MCF2L: variants seen among roughly 807,000 people sequenced by gnomAD.
MCF2L encodes guanine nucleotide exchange factor DBS.
Under a neutral mutation model 153.4 loss-of-function variants are expected in MCF2L, and 97 were observed. That is an observed-to-expected ratio of 0.63 (90% CI 0.54 to 0.75). MCF2L has a LOEUF of 0.75. MCF2L is among the 30% of genes least tolerant of loss of function. The probability of loss-of-function intolerance (pLI) is 0.00; values close to 1 mark genes in which losing one functional copy is unlikely to be tolerated. For synonymous variants in MCF2L, 659 were observed against 632.2 expected (o/e 1.04, Z -0.64); for missense variants, 1,347 against 1,495.2 (o/e 0.90, Z 1.64).
chr13:113,082,604 T>C (rs1393230154), intron 17 of MCF2L, 62 bp downstream of exon 17: 14 of 1,259,134 alleles, frequency 1.1e-5, no homozygotes, highest in East Asian at 9.9e-5. Context: ...TGGTGCTGGC[T>C]TCAGGGGGCT....
rs372475535 is a variant in MCF2L, at chr13:113,085,033, C to T, written c.2154+49C>T. The T allele has an allele frequency of 5.3e-5, 85 of 1,611,546 alleles. 1 individual carries two copies. Among genetic ancestry groups the T allele is most frequent in the South Asian group, 8.8e-5 (8 of 91,036 alleles). The stretch of plus-strand genomic sequence containing the variant: ...GAACGTTACTCCCTTTCCTAGCCGA[C>T]TCCTGAGGAATAATGAAAATTGTGC... On this transcript the variant is annotated intron_variant, in intron 19 of 29. Transcript: ENST00000535094.
At chr13:112,945,288 C>G (rs148611561) in intron 2 of MCF2L, among the ~76,000 whole-genome samples, 1 of 152,096 alleles carries the variant, frequency 6.6e-6, no homozygotes, top group African/African-American at 2.4e-5. Flanking sequence ...CTCAAGTAAA[C>G]GATATGCTTT....
rs2032325102 is a variant in MCF2L at position 113,066,139 on chromosome 13, G to A, written c.850G>A (p.Asp284Asn). ...GGGCTCAGAGCCCAGTGTGAACCAG[G>A]ACCAGCTTGACAACCAGGCCACCGT... ...AEGSEPSVNQ[D>N]QLDNQATVQR... The change falls in exon 8 of 30, where the codon GAC becomes AAC. Residue 284 changes from aspartate to asparagine, a missense_variant. By Grantham distance (23) the Asp-to-Asn change is conservative (BLOSUM62 1). Coordinates refer to ENST00000535094, the MANE Select transcript of MCF2L (RefSeq NM_001112732.3). 6.2e-7 allele frequency: 1 copy of A among 1,612,668 alleles called. No individual in the cohort carries two copies. The highest frequency in any genetic ancestry group is 8.5e-7 in the Non-Finnish European group (1 of 1,179,818).
rs536200030 is a variant in MCF2L, at chr13:112,970,388, C to T, written c.79+930C>T. Among the ~76,000 whole-genome samples, 24 of 152,254 alleles carry T rather than the reference C, an allele frequency of 1.6e-4. No individual in the cohort carries two copies. In the East Asian group the frequency reaches 1.7e-3, roughly 11 times the overall value. On this transcript the variant is annotated intron_variant, in intron 1 of 29. Transcript: ENST00000535094. ...GTGATTAAATCAGCATAAGCACCAT[C>T]GTATGGGATGGTCTAATCAAGATGT...
In MCF2L at chr13:113,064,715, G is replaced by T; in HGVS notation, c.607-221G>T. The T allele has an allele frequency of 1.7e-6, 1 of 601,884 alleles. No homozygotes were observed. The highest frequency in any genetic ancestry group is 2.1e-5 in the South Asian group (1 of 48,108). The allele number at this position is 601,884 out of a possible 1,614,324, so 37.3% of individuals were successfully genotyped here. On this transcript the variant is annotated intron_variant, in intron 6 of 29. Coordinates refer to ENST00000535094, the MANE Select transcript of MCF2L (RefSeq NM_001112732.3). This position sits in a 1 kb window ranked among gnomAD's most constrained non-coding sequence, Gnocchi z 6.0. Reference sequence around the variant, plus strand: ...AACGGGGAGAGGCAGCGCAGGCACAGGCGACTCTAGGTGACGGGCACACGT... The same window carrying T: ...AACGGGGAGAGGCAGCGCAGGCACATGCGACTCTAGGTGACGGGCACACGT...
At chr13:113,065,938 C>T (rs1330302846) in intron 7 of MCF2L, 108 bp from the exon 8 acceptor site, 1 of 1,222,480 alleles carries the variant, frequency 8.2e-7, no homozygotes, top group Non-Finnish European at 1.1e-6. Flanking sequence ...GGATTGACCC[C>T]TTCCTCAGTC....
chr13:113,094,186 G>A (rs911115900), intron 26 of MCF2L: 4 of 188,906 alleles, frequency 2.1e-5, no homozygotes, highest in Admixed American at 1.2e-4. Flanking sequence ...GGGCATCTGC[G>A]GCAGGAAGGC....
At chr13:113,083,809 G>C (rs1421150119) in intron 17 of MCF2L, among the ~76,000 whole-genome samples, 189 bp from the exon 18 acceptor site, 1 of 152,234 alleles carries the variant, frequency 6.6e-6, no homozygotes. Context: ...CTCAGCCTGG[G>C]GCTGCACCTG....
Position 113,096,978 on chromosome 13 carries a change from C to A in MCF2L, c.*119C>A, listed in dbSNP as rs2035724800. The A allele has an allele frequency of 7.7e-6, 5 of 650,564 alleles. No individual in the cohort carries two copies. The highest frequency in any genetic ancestry group is 1.1e-5 in the Non-Finnish European group (5 of 447,998). The allele number at this position is 650,564 out of a possible 1,614,324, so 40.3% of individuals were successfully genotyped here. A position where few individuals can be genotyped will look rare whatever the true frequency, so the allele number is the denominator to read the frequency against. On this transcript the variant is annotated 3_prime_UTR_variant, in exon 30 of 30. Coordinates refer to ENST00000535094, the MANE Select transcript of MCF2L (RefSeq NM_001112732.3). The stretch of plus-strand genomic sequence containing the variant: ...ACCGCCCCCACCCAGAGCGCCTGGC[C>A]GTGCGGGCTGCAGAGGACCCCTCCG...
At chr13:112,906,969 C>G (rs1456056378) in intron 2 of MCF2L, among the ~76,000 whole-genome samples, 1 of 152,138 alleles carries the variant, frequency 6.6e-6, no homozygotes, top group Non-Finnish European at 1.5e-5. Flanking sequence ...GAAGACAATC[C>G]CTGACTTGGG....
chr13:113,002,409 G>A (rs1046036993), intron 1 of MCF2L, among the ~76,000 whole-genome samples: 2 of 152,236 alleles, frequency 1.3e-5, no homozygotes, highest in East Asian at 1.9e-4. Flanking sequence ...GAGGGGCTGC[G>A]GCTCCTCCTT....
intron 27 of MCF2L, chr13:113,095,584 C>T (rs959998414): frequency 1.0e-6 from 1 of 996,754 alleles, no homozygotes; most frequent in Non-Finnish European, 1.2e-6. Context: ...GGGCAGGCAG[C>T]CCAGTCACCG....
chr13:112,920,216 G>C (rs2081338470), intron 2 of MCF2L, among the ~76,000 whole-genome samples: 1 of 152,228 alleles, frequency 6.6e-6, no homozygotes, highest in African/African-American at 2.4e-5. Context: ...GTACATGGCG[G>C]AGAGGTGGGA....
At chr13:113,042,862 T>A (rs1200080243) in intron 3 of MCF2L, 1 of 152,296 alleles carries the variant, frequency 6.6e-6, no homozygotes, top group Non-Finnish European at 1.5e-5. Flanking sequence ...GTTGCTGGTC[T>A]GGGCTGTTGT....
upstream of MCF2L, among the ~76,000 whole-genome samples, chr13:112,967,209 T>G (rs1251813980): frequency 6.6e-6 from 1 of 151,642 alleles, no homozygotes; most frequent in Non-Finnish European, 1.5e-5. Flanking sequence ...TGGGGAGTGG[T>G]GAAGGTTCCC....
rs1390712852 is a variant in MCF2L at position 112,904,080 on chromosome 13, C to T, written c.169+1709C>T. On this transcript the variant is annotated intron_variant, in intron 2 of 29. Coordinates refer to the MCF2L transcript ENST00000375608. This position sits in a 1 kb window ranked among gnomAD's most constrained non-coding sequence, Gnocchi z 4.2. The stretch of plus-strand genomic sequence containing the variant: ...CCTCGGACTGGTGCCTTTCCCTGAG[C>T]GCCCAAGTCTCGCGTGGACCAGCTC... Among the ~76,000 whole-genome samples the T allele has an allele frequency of 6.6e-6, 1 of 152,166 alleles. No homozygotes were observed. Among genetic ancestry groups the T allele is most frequent in the South Asian group, 2.1e-4 (1 of 4,810 alleles).
At chr13:112,973,739 T>G (rs559930546) in intron 1 of MCF2L, among the ~76,000 whole-genome samples, 1 of 152,206 alleles carries the variant, frequency 6.6e-6, no homozygotes, top group Non-Finnish European at 1.5e-5. Flanking sequence ...GGGCCGGCCC[T>G]GTGTTTGCTT....
intron 2 of MCF2L, among the ~76,000 whole-genome samples, chr13:112,905,832 C>T (rs1349218431): frequency 6.6e-6 from 1 of 152,240 alleles, no homozygotes; most frequent in Non-Finnish European, 1.5e-5. Context: ...GTGAATAACA[C>T]TCCTATGAAC....
At chr13:113,091,268 G>A in intron 26 of MCF2L, 1 of 1,245,876 alleles carries the variant, frequency 8.0e-7, no homozygotes, top group Non-Finnish European at 1.1e-6. Flanking sequence ...CTGTCAGGTG[G>A]CCGTCAAGGC....
Sources: gnomAD v4.1 joint callset for allele counts (sites outside exome capture counted in the v4.1 genomes callset) on GRCh38, gnomAD v4.1.1 for gene constraint, Gnocchi (gnomAD v3.1) non-coding constraint, MANE v1.5 for transcripts, NCBI Gene and HGNC (gene_info 2026-07-23, HGNC 2026-07-21) for gene names.